The following CACNG7 variants were observed in gnomAD, a reference collection of about 807,000 sequenced individuals.
The protein encoded by CACNG7 is calcium voltage-gated channel auxiliary subunit gamma 7, also known as voltage-dependent calcium channel gamma-7 subunit.
A neutral mutation model predicts 26.3 loss-of-function variants in CACNG7; 9 were observed. The ratio of observed to expected loss-of-function variants is 0.34; its 90% confidence interval spans 0.21 to 0.60. The LOEUF (loss-of-function observed/expected upper bound fraction) is 0.60. Ranked by LOEUF, CACNG7 falls within the 20% of genes least tolerant of loss-of-function variation. The pLI is 0.81. For missense variants in CACNG7, 297 were observed against 380.4 expected (o/e 0.78, Z 1.82); for synonymous variants, 170 against 157.0 (o/e 1.08, Z -0.62).
At chr19:53,911,123 A>G (rs1302223353) in intron 1 of CACNG7, among the ~76,000 whole-genome samples, 1 of 151,454 alleles carries the variant, frequency 6.6e-6, no homozygotes, top group Non-Finnish European at 1.5e-5. Flanking sequence ...CTGAAGTGCA[A>G]TGGTGCTATC....
At chr19:53,924,920 CCCCAGGTCTGGTCATTGGTGGAGTTGT>C (rs2069012414) in intron 4 of CACNG7, among the ~76,000 whole-genome samples, 2 of 138,474 alleles carry the variant, frequency 1.4e-5, no homozygotes, top group African/African-American at 2.7e-5. Flanking sequence ...GGTGGAGTTG[CCCCAGGTCTGGTCATTGGTGGAGTTGT>C]CCCAGGCTGG....
chr19:53,932,834 C>CTTT lies in CACNG7; in HGVS notation c.425-8621_425-8619dup, dbSNP rs534782031. On this transcript the variant is annotated intron_variant, in intron 4 of 5. Coordinates refer to ENST00000391767, the MANE Select transcript of CACNG7 (RefSeq NM_031896.5). ...ATTTCAGTGTTTTCTTTTCTCTCTC[C>CTTT]TTTTTTTTTTTTTTTTTGAGACTGA... Among the ~76,000 whole-genome samples, 102 of 136,862 alleles carry CTTT rather than the reference C, an allele frequency of 7.5e-4. 2 individuals are homozygous for CTTT. The East Asian group carries it at 0.018, about 24-fold the overall frequency. The allele number at this position is 136,862 out of a possible 152,430, so 89.8% of individuals were successfully genotyped here. A position where few individuals can be genotyped will look rare whatever the true frequency, so the allele number is the denominator to read the frequency against.
rs2068882217 is a variant in CACNG7, at chr19:53,914,490, T to C, written c.197-10T>C. ...TCTCATCCAGCCCTGTCTGTTTCTC[T>C]TCCCCCCAGGTCGGGAGAAAGGTCG... On this transcript the variant is annotated splice_polypyrimidine_tract_variant and intron_variant, in intron 2 of 5. Coordinates refer to ENST00000391767, the MANE Select transcript of CACNG7 (RefSeq NM_031896.5). 3.7e-6 allele frequency: 6 copies of C among 1,613,150 alleles called. No individual in the cohort carries two copies. The highest frequency in any genetic ancestry group is 1.3e-5 in the African/African-American group (1 of 74,994).
intron 4 of CACNG7, among the ~76,000 whole-genome samples, chr19:53,924,269 A>T (rs1599983931): frequency 8.3e-6 from 1 of 121,166 alleles, no homozygotes; most frequent in African/African-American, 3.3e-5. Flanking sequence ...AGGTCTGGTC[A>T]TTGGTGGACT....
At chr19:53,913,286 C>A (rs578184399) in intron 2 of CACNG7, among the ~76,000 whole-genome samples, 1 of 151,836 alleles carries the variant, frequency 6.6e-6, no homozygotes, top group South Asian at 2.1e-4. Flanking sequence ...TAGAACTTGT[C>A]CCCTGCACAA....
At chr19:53,924,810 T>A (rs1272756308) in intron 4 of CACNG7, among the ~76,000 whole-genome samples, 86 of 127,196 alleles carry the variant, frequency 6.8e-4, no homozygotes, top group African/African-American at 2.6e-3. Context: ...ATTGGTGGAC[T>A]TGCCCCAGGT....
rs1237163861 is a variant in CACNG7, at chr19:53,922,092, TC to T, written c.424+6591del. 2.3e-4 allele frequency among the ~76,000 whole-genome samples: 23 copies of T among 99,086 alleles called. 1 individual carries two copies. The highest frequency in any genetic ancestry group is 4.8e-4 in the Admixed American group (5 of 10,442). The allele number at this position is 99,086 out of a possible 152,430, so 65.0% of individuals were successfully genotyped here. A position where few individuals can be genotyped will look rare whatever the true frequency, so the allele number is the denominator to read the frequency against. On this transcript the variant is annotated intron_variant, in intron 4 of 5. Coordinates refer to ENST00000391767, the MANE Select transcript of CACNG7 (RefSeq NM_031896.5). The stretch of plus-strand genomic sequence containing the variant: ...CCCAGGTCTGGTATTGGTGGAGTTG[TC>T]CCCAGGCCTGGTCATTGGTGGAGTT...
chr19:53,914,995 G>C (rs114114886), intron 3 of CACNG7, among the ~76,000 whole-genome samples: 2,572 of 145,276 alleles, frequency 0.018, 81 homozygotes, highest in African/African-American at 0.063. Flanking sequence ...CACAGAGTGA[G>C]ACTCTGTCTC....
rs142305928 is a variant in CACNG7 at position 53,917,602 on chromosome 19, C to T, written c.424+2097C>T. 1.8e-3 allele frequency among the ~76,000 whole-genome samples: 281 copies of T among 152,214 alleles called. 1 individual carries two copies. The highest frequency in any genetic ancestry group is 2.8e-3 in the Non-Finnish European group (192 of 68,018). Reference sequence around the variant, plus strand: ...ACCTCCGTGCAAACTTGAATCACAGCGGGTGGAGCCCAGACACTGAGCTAA... The same window carrying T: ...ACCTCCGTGCAAACTTGAATCACAGTGGGTGGAGCCCAGACACTGAGCTAA... On this transcript the variant is annotated intron_variant, in intron 4 of 5. Coordinates refer to ENST00000391767, the MANE Select transcript of CACNG7 (RefSeq NM_031896.5).
chr19:53,923,609 T>TCTGGTCATTGGTGGAGTTGTCCTAGGC (rs2068987542), intron 4 of CACNG7, among the ~76,000 whole-genome samples: 12 of 118,588 alleles, frequency 1.0e-4, no homozygotes, highest in South Asian at 3.0e-4. Context: ...TTGCCCCAGG[T>TCTGGTCATTGGTGGAGTTGTCCTAGGC]CTGGTCATTG....
intron 4 of CACNG7, among the ~76,000 whole-genome samples, chr19:53,919,650 T>C (rs1303938535): frequency 2.2e-5 from 3 of 134,312 alleles, no homozygotes; most frequent in African/African-American, 8.8e-5. Context: ...AGGCTGGTCA[T>C]TGGTGGAGTT....
chr19:53,922,394 CCCCAGGCCTGGTCATTGGTGGAGTTGT>C, intron 4 of CACNG7, among the ~76,000 whole-genome samples: 3 of 107,468 alleles, frequency 2.8e-5, no homozygotes, highest in Admixed American at 8.2e-5. Flanking sequence ...GTGGAGTTGT[CCCCAGGCCTGGTCATTGGTGGAGTTGT>C]CCCAGGTCTG....
Position 53,909,907 on chromosome 19 carries a change from G to A in CACNG7, c.-30+390G>A. 6.6e-6 allele frequency among the ~76,000 whole-genome samples: 1 copy of A among 152,120 alleles called. No homozygotes were observed. The highest frequency in any genetic ancestry group is 1.5e-5 in the Non-Finnish European group (1 of 68,014). On this transcript the variant is annotated intron_variant, in intron 1 of 5. Coordinates refer to ENST00000391767, the MANE Select transcript of CACNG7 (RefSeq NM_031896.5). The surrounding 1 kb of genome is among the most constrained non-coding windows in gnomAD (Gnocchi z 5.1). ...ACGGTCTCCCGAGAGATGGAGGAGA[G>A]ATGGAGTTTGGGCTTAAGACTTGCA...
rs948676071 is a variant in CACNG7, at chr19:53,943,608, G to A, written c.*1315G>A. 1 of 138,864 alleles carries A rather than the reference G, an allele frequency of 7.2e-6. No homozygotes were observed. The highest frequency in any genetic ancestry group is 2.7e-5 in the African/African-American group (1 of 37,728). 8.6% of individuals were successfully genotyped at this position (138,864 alleles called of 1,614,324 possible). Reference sequence around the variant, plus strand: ...GCGATTTTTAACGAGGCTGGGGGGAGGGGGGCACTGGGGTGGGGACAGGGT... The same window carrying A: ...GCGATTTTTAACGAGGCTGGGGGGAAGGGGGCACTGGGGTGGGGACAGGGT... On this transcript the variant is annotated 3_prime_UTR_variant, in exon 6 of 6. Coordinates refer to ENST00000391767, the MANE Select transcript of CACNG7 (RefSeq NM_031896.5).
At chr19:53,919,125 A>C (rs1370987613) in intron 4 of CACNG7, among the ~76,000 whole-genome samples, 3 of 152,170 alleles carry the variant, frequency 2.0e-5, no homozygotes, top group Admixed American at 1.3e-4. Context: ...AATTTTCCCA[A>C]CCCAGCCTCC....
At chr19:53,925,654 C>T (rs1017309490) in intron 4 of CACNG7, among the ~76,000 whole-genome samples, 10 of 151,998 alleles carry the variant, frequency 6.6e-5, no homozygotes, top group African/African-American at 1.9e-4. Flanking sequence ...TGTGGAGAAA[C>T]CAGTGGAAGG....
intron 4 of CACNG7, among the ~76,000 whole-genome samples, chr19:53,921,254 G>C (rs111485753): frequency 0.013 from 1,303 of 99,064 alleles, no homozygotes; most frequent in Middle Eastern, 0.025. Flanking sequence ...CATTGGTGGA[G>C]TTGCCCCAGG....
intron 4 of CACNG7, among the ~76,000 whole-genome samples, chr19:53,916,649 C>T (rs1039932447): frequency 6.7e-5 from 10 of 148,982 alleles, no homozygotes; most frequent in Admixed American, 2.0e-4. Flanking sequence ...CCACTACGCC[C>T]GGCTAATTTT....
chr19:53,942,213 G>A lies in CACNG7; in HGVS notation c.748G>A (p.Val250Met), dbSNP rs755866342. Residue 250 changes from valine to methionine, a missense_variant, in exon 6 of 6, where the codon GTG (valine) becomes ATG (methionine). Coordinates refer to ENST00000391767, the MANE Select transcript of CACNG7 (RefSeq NM_031896.5). The surrounding 1 kb of genome is among the most constrained non-coding windows in gnomAD (Gnocchi z 5.9). ...GAGCCCCTCCGACATCTCCAGCGAC[G>A]TGTCCATCCAAATGACGCAGAACTA... ...GRSPSDISSDVSIQMTQNYPP... is the reference protein window; with the variant it reads ...GRSPSDISSDMSIQMTQNYPP... The A allele has an allele frequency of 4.3e-6, 7 of 1,613,892 alleles. No individual in the cohort carries two copies. The highest frequency in any genetic ancestry group is 1.7e-5 in the Admixed American group (1 of 59,996).
Sources: allele counts gnomAD v4.1 joint callset (sites outside exome capture counted in the v4.1 genomes callset), GRCh38; gene constraint gnomAD v4.1.1; non-coding constraint Gnocchi (gnomAD v3.1); transcripts MANE v1.5; gene names NCBI Gene and HGNC (gene_info 2026-07-23, HGNC 2026-07-21).